The following OVOL2 variants were observed in gnomAD, a reference collection of about 807,000 sequenced individuals.
OVOL2 encodes ovo like zinc finger 2, also known as transcription factor Ovo-like 2.
Under a neutral mutation model 18.1 loss-of-function variants are expected in OVOL2, and 13 were observed. The observed-to-expected ratio is 0.72, with a 90% CI of 0.47 to 1.14. OVOL2 has a LOEUF of 1.14. Among genes scored for constraint, OVOL2 ranks in the 50% most tolerant of loss-of-function variants. The pLI, the probability that OVOL2 is intolerant of heterozygous loss-of-function variation, is 0.00. For missense variants in OVOL2, 335 were observed against 383.0 expected (o/e 0.87, Z 1.05); for synonymous variants, 166 against 162.7 (o/e 1.02, Z -0.16).
chr20:18,024,745 C>A lies in OVOL2; in HGVS notation c.719G>T (p.Ser240Ile), dbSNP rs751125278. ...YLHVNSAHPG[S>I]SFLKKTSKKL... is the part of the protein sequence containing the mutation. ...TTTAGATGTCTTTTTGAGAAACGAG[C>A]TGCCCGGATGGGCACTGTTCACGTG... Residue 240 changes from serine (S) to isoleucine (I), a missense_variant, in exon 4 of 4, where the codon AGC becomes ATC. Ser to Ile is a moderately radical substitution (Grantham distance 142, BLOSUM62 -2). Transcript: ENST00000278780. The A allele has an allele frequency of 1.2e-6, 2 of 1,614,200 alleles. No individual in the cohort carries two copies. Among genetic ancestry groups the A allele is most frequent in the Non-Finnish European group, 1.7e-6 (2 of 1,180,044 alleles).
At position 18,057,667 on chromosome 20, in the gene OVOL2, C is replaced by G; in HGVS notation, c.-33G>C. On this transcript the variant is annotated 5_prime_UTR_variant, in exon 1 of 4. Transcript: ENST00000278780. This position sits in a 1 kb window ranked among gnomAD's most constrained non-coding sequence, Gnocchi z 6.3. Reference sequence around the variant, plus strand: ...TCCCCTCTCCCGACTGCGGCCCCCTCCTCCCGGCTGCTCCCCGCTAGGGGC... The same window carrying G: ...TCCCCTCTCCCGACTGCGGCCCCCTGCTCCCGGCTGCTCCCCGCTAGGGGC... 6.5e-7 allele frequency: 1 copy of G among 1,540,116 alleles called. No homozygotes were observed. Among genetic ancestry groups the G allele is most frequent in the Non-Finnish European group, 8.8e-7 (1 of 1,141,920 alleles).
chr20:18,049,554 C>CCT (rs1481675783), intron 2 of OVOL2, among the ~76,000 whole-genome samples: 2 of 151,598 alleles, frequency 1.3e-5, no homozygotes, highest in Non-Finnish European at 2.9e-5. Flanking sequence ...TTCAGATTCC[C>CCT]CCCCCGATCC....
At chr20:18,028,325 C>T (rs1295012572) in intron 3 of OVOL2, among the ~76,000 whole-genome samples, 1 of 151,734 alleles carries the variant, frequency 6.6e-6, no homozygotes, top group Admixed American at 6.6e-5. Flanking sequence ...TACAGGTGCC[C>T]GCCACAACAG....
chr20:18,031,414 A>C (rs940712518), intron 3 of OVOL2, among the ~76,000 whole-genome samples: 2 of 152,166 alleles, frequency 1.3e-5, no homozygotes, highest in Non-Finnish European at 2.9e-5. Context: ...TCTACTAAAA[A>C]ATACAAAAAA....
chr20:18,041,408 A>G, intron 3 of OVOL2, 126 bp downstream of exon 3: 1 of 1,175,272 alleles, frequency 8.5e-7, no homozygotes, highest in Non-Finnish European at 1.2e-6. Context: ...CGTGATCCGC[A>G]TCTTGTGATC....
chr20:18,054,022 G>T (rs916903324), intron 2 of OVOL2, among the ~76,000 whole-genome samples: 3 of 152,074 alleles, frequency 2.0e-5, no homozygotes, highest in Non-Finnish European at 4.4e-5. Context: ...CACTCAAATC[G>T]GTCACGTCTT....
At chr20:18,052,854 GTTAC>G (rs1431790220) in intron 2 of OVOL2, among the ~76,000 whole-genome samples, 4 of 152,210 alleles carry the variant, frequency 2.6e-5, no homozygotes, top group African/African-American at 4.8e-5. Flanking sequence ...CAACTTCAGA[GTTAC>G]TTACTTTCTA....
At chr20:18,030,944 C>A (rs1440176537) in intron 3 of OVOL2, among the ~76,000 whole-genome samples, 1 of 152,188 alleles carries the variant, frequency 6.6e-6, no homozygotes, top group Non-Finnish European at 1.5e-5. Context: ...CCAGAGCACC[C>A]CCATCACCCA....
At chr20:18,028,102 G>C (rs1001387236) in intron 3 of OVOL2, among the ~76,000 whole-genome samples, 1 of 152,100 alleles carries the variant, frequency 6.6e-6, no homozygotes, top group East Asian at 1.9e-4. Context: ...ACAGATTCCC[G>C]GGCCTGCCTC....
chr20:18,029,079 T>G (rs144345938), intron 3 of OVOL2, among the ~76,000 whole-genome samples: 108 of 152,300 alleles, frequency 7.1e-4, no homozygotes, highest in African/African-American at 2.5e-3. Flanking sequence ...CAGGCTGCAG[T>G]GCAGTGGCAC....
chr20:18,025,696 G>C (rs943822602), intron 3 of OVOL2, among the ~76,000 whole-genome samples: 1 of 152,210 alleles, frequency 6.6e-6, no homozygotes, highest in Non-Finnish European at 1.5e-5. Context: ...GGGAGGGGTA[G>C]GATCCAGTAG....
chr20:18,050,538 T>C (rs2036762973), intron 2 of OVOL2: 1 of 152,192 alleles, frequency 6.6e-6, no homozygotes, highest in African/African-American at 2.4e-5. Flanking sequence ...TGTAGTCCTT[T>C]CCAACAATAA....
In OVOL2 at chr20:18,039,585, G is replaced by A. The variant is rs550964819; in HGVS notation, c.511+1949C>T. ...AGTTGGTGGCTGCACTCCAGCCTGG[G>A]TGAGAGAGCAAGACGCTGTCTCAAA... is the stretch of plus-strand genomic sequence containing the variant. On this transcript the variant is annotated intron_variant, in intron 3 of 3. Transcript: ENST00000278780. Among the ~76,000 whole-genome samples, 8 of 136,122 alleles carry A rather than the reference G, an allele frequency of 5.9e-5. No individual in the cohort carries two copies. The East Asian group carries it at 1.7e-3, about 28-fold the overall frequency. The allele number at this position is 136,122 out of a possible 152,430, so 89.3% of individuals were successfully genotyped here.
At chr20:18,041,795 A>C (rs1600444557) in intron 2 of OVOL2, 72 bp from the exon 3 acceptor site, 1 of 1,417,318 alleles carries the variant, frequency 7.1e-7, no homozygotes, top group Non-Finnish European at 9.7e-7. Context: ...CAAGAGACCC[A>C]CCTCCCTGTG....
rs1278654794 is a variant in OVOL2, at chr20:18,024,963, G to T, written c.512-11C>A. 3.1e-6 allele frequency: 5 copies of T among 1,603,234 alleles called. No individual in the cohort carries two copies. The highest frequency in any genetic ancestry group is 4.3e-6 in the Non-Finnish European group (5 of 1,172,040). ...TGTAGGGACGAATGCCTGAAAGGAT[G>T]AGGGACAGACACAGCATCGGTTGGT... On this transcript the variant is annotated splice_polypyrimidine_tract_variant and intron_variant, in intron 3 of 3. Coordinates refer to ENST00000278780, the MANE Select transcript of OVOL2 (RefSeq NM_021220.4).
chr20:18,046,213 G>T (rs535569723), intron 2 of OVOL2, among the ~76,000 whole-genome samples: 3 of 152,186 alleles, frequency 2.0e-5, no homozygotes, highest in Non-Finnish European at 4.4e-5. Context: ...TCCTAAACAT[G>T]AAATTTATCC....
chr20:18,053,717 A>C (rs1335548554), intron 2 of OVOL2, among the ~76,000 whole-genome samples: 1 of 151,434 alleles, frequency 6.6e-6, no homozygotes, highest in African/African-American at 2.4e-5. Flanking sequence ...AAAAAAAAAA[A>C]AAGAGGAACC....
intron 3 of OVOL2, among the ~76,000 whole-genome samples, chr20:18,029,881 A>G (rs553159877): frequency 1.3e-5 from 2 of 152,254 alleles, no homozygotes; most frequent in African/African-American, 4.8e-5. Context: ...CAGGAGGCTA[A>G]GGTGGGAGAG....
intron 2 of OVOL2, among the ~76,000 whole-genome samples, chr20:18,043,319 T>A (rs2036692558): frequency 6.6e-6 from 1 of 152,234 alleles, no homozygotes; most frequent in African/African-American, 2.4e-5. Flanking sequence ...GCAGGGCTTA[T>A]GACCAGTTGG....
Sources: gnomAD v4.1 joint callset for allele counts (sites outside exome capture counted in the v4.1 genomes callset) on GRCh38, gnomAD v4.1.1 for gene constraint, Gnocchi (gnomAD v3.1) non-coding constraint, MANE v1.5 for transcripts, NCBI Gene and HGNC (gene_info 2026-07-23, HGNC 2026-07-21) for gene names.